Variants in ST3GAL1 observed in about 807,000 individuals in gnomAD.
ST3GAL1 encodes CMP-N-acetylneuraminate-beta-galactosamide-alpha-2,3-sialyltransferase 1.
ST3GAL1 carries 16 observed loss-of-function variants against 34.1 expected under a neutral mutation model. The observed-to-expected ratio is 0.47, with a 90% confidence interval of 0.32 to 0.71. The LOEUF is 0.71. Among genes scored for constraint, ST3GAL1 ranks in the 30% least tolerant of loss-of-function variants. The pLI is 0.04. For missense variants in ST3GAL1, 353 were observed against 447.4 expected, an observed-to-expected ratio of 0.79 and a Z score of 1.90; for synonymous variants, 191 against 184.7, an observed-to-expected ratio of 1.03 and a Z score of -0.28.
rs35418681 is a variant in ST3GAL1, at chr8:133,455,808, C to CT, written c.*3955dup. On this transcript the variant is annotated 3_prime_UTR_variant, in exon 10 of 10. Transcript: ENST00000522652. ...AGGGAGAGAGAGTTATCTTGGTTTC[C>CT]TTTCACTTGTTTTCGGGCTGCTTCA... 35,408 of 152,016 alleles carry CT rather than the reference C, an allele frequency of 0.23. 4,519 individuals are homozygous for CT. The highest frequency in any genetic ancestry group is 0.55 in the East Asian group (2,813 of 5,132). The allele number at this position is 152,016 out of a possible 1,614,324, so 9.4% of individuals were successfully genotyped here.
chr8:133,474,263 A>T (rs906896957), intron 5 of ST3GAL1, among the ~76,000 whole-genome samples: 4 of 152,012 alleles, frequency 2.6e-5, no homozygotes, highest in Non-Finnish European at 5.9e-5. Flanking sequence ...TCCTGTGCCC[A>T]CTTCCTGCAC....
At chr8:133,496,712 C>G (rs13261492) in intron 3 of ST3GAL1, among the ~76,000 whole-genome samples, 25 of 152,186 alleles carry the variant, frequency 1.6e-4, no homozygotes, top group Non-Finnish European at 3.5e-4. Context: ...CCTGGAGCCT[C>G]GGAGCAACTT....
At chr8:133,477,119 C>G (rs1265350487) in intron 3 of ST3GAL1, among the ~76,000 whole-genome samples, 1 of 152,168 alleles carries the variant, frequency 6.6e-6, no homozygotes, top group African/African-American at 2.4e-5. Flanking sequence ...TTCTGATTTC[C>G]CAGCTGTGGA....
chr8:133,533,261 T>C (rs542585186), intron 2 of ST3GAL1, among the ~76,000 whole-genome samples: 87 of 152,272 alleles, frequency 5.7e-4, no homozygotes, highest in Middle Eastern at 6.8e-3. Flanking sequence ...GAGAATGACG[T>C]GCAGGTGTTG....
At chr8:133,520,726 A>T (rs1817779513) in intron 2 of ST3GAL1, among the ~76,000 whole-genome samples, 1 of 151,210 alleles carries the variant, frequency 6.6e-6, no homozygotes, top group African/African-American at 2.4e-5. Flanking sequence ...AAATGGCTCA[A>T]TGTGCAGTTT....
intron 2 of ST3GAL1, among the ~76,000 whole-genome samples, chr8:133,530,164 G>A (rs971586107): frequency 1.3e-5 from 2 of 152,100 alleles, no homozygotes; most frequent in African/African-American, 4.8e-5. Context: ...TGACATGGTG[G>A]GTCTTGTCCT....
At chr8:133,552,002 T>C (rs1818878721) in intron 1 of ST3GAL1, among the ~76,000 whole-genome samples, 1 of 152,238 alleles carries the variant, frequency 6.6e-6, no homozygotes, top group Admixed American at 6.5e-5. Flanking sequence ...TTCCTAACTC[T>C]ACTCTATTGT....
At chr8:133,495,746 C>A (rs1417731856) in intron 3 of ST3GAL1, among the ~76,000 whole-genome samples, 1 of 152,244 alleles carries the variant, frequency 6.6e-6, no homozygotes, top group Admixed American at 6.5e-5. Flanking sequence ...TATATCGTAA[C>A]CCATAGCATG....
chr8:133,543,733 G>A (rs1017838707), intron 2 of ST3GAL1, among the ~76,000 whole-genome samples: 32 of 152,052 alleles, frequency 2.1e-4, no homozygotes, highest in African/African-American at 7.5e-4. Context: ...ATAATTATCA[G>A]TAGAACATGC....
chr8:133,511,264 T>C (rs895647977), intron 2 of ST3GAL1, among the ~76,000 whole-genome samples: 5 of 152,322 alleles, frequency 3.3e-5, no homozygotes, highest in Non-Finnish European at 4.4e-5. Context: ...ACAGTACTTA[T>C]GGGGAGGTAG....
intron 2 of ST3GAL1, among the ~76,000 whole-genome samples, chr8:133,523,136 T>C (rs1817859881): frequency 1.3e-5 from 2 of 152,106 alleles, no homozygotes; most frequent in Admixed American, 6.5e-5. Context: ...GCAAGGGGCC[T>C]CTCCCTTCTG....
At chr8:133,568,055 G>T (rs1378754118) in intron 1 of ST3GAL1, among the ~76,000 whole-genome samples, 3 of 151,766 alleles carry the variant, frequency 2.0e-5, no homozygotes, top group Admixed American at 1.3e-4. Flanking sequence ...TGAGTAGCTG[G>T]GTACTACAGG....
chr8:133,551,603 A>AAAGAAAGAAAGAAAGAAAGG (rs1818863283), intron 1 of ST3GAL1, among the ~76,000 whole-genome samples: 7 of 149,600 alleles, frequency 4.7e-5, no homozygotes, highest in African/African-American at 1.5e-4. Flanking sequence ...AGAAAGAAAG[A>AAAGAAAGAAAGAAAGAAAGG]AAGAAAGAAA....
intron 2 of ST3GAL1, among the ~76,000 whole-genome samples, chr8:133,506,544 G>T (rs1157569574): frequency 6.6e-6 from 1 of 152,196 alleles, no homozygotes; most frequent in African/African-American, 2.4e-5. Flanking sequence ...CAACACTTTG[G>T]GAGGCAGAGG....
In ST3GAL1 at chr8:133,476,071, C is replaced by T. The variant is rs764976065; in HGVS notation, c.-47G>A. On this transcript the variant is annotated 5_prime_UTR_variant, in exon 5 of 10. Transcript: ENST00000522652. ...CTCCCACGATGGGTAGCAGGAACTC[C>T]CTCCTAAGAGAGGAGAAAAATGGAA... The T allele has an allele frequency of 2.0e-6, 3 of 1,520,318 alleles. No homozygotes were observed. The highest frequency in any genetic ancestry group is 1.8e-4 in the Middle Eastern group (1 of 5,620). The allele number at this position is 1,520,318 out of a possible 1,614,324, so 94.2% of individuals were successfully genotyped here.
chr8:133,465,119 T>A (rs553878292), intron 6 of ST3GAL1, among the ~76,000 whole-genome samples, 162 bp from the exon 7 acceptor site: 1 of 152,250 alleles, frequency 6.6e-6, no homozygotes, highest in South Asian at 2.1e-4. Context: ...AATGAAGACA[T>A]AGCTGGAAGG....
intron 2 of ST3GAL1, among the ~76,000 whole-genome samples, chr8:133,523,260 G>T (rs1257353155): frequency 6.6e-6 from 1 of 151,992 alleles, no homozygotes; most frequent in Admixed American, 6.5e-5. Flanking sequence ...AGACTGGAGG[G>T]TCCAGGTCTC....
chr8:133,513,907 A>G (rs990978768), intron 2 of ST3GAL1, among the ~76,000 whole-genome samples: 9 of 152,024 alleles, frequency 5.9e-5, no homozygotes, highest in African/African-American at 2.2e-4. Context: ...TGGAAAAAAA[A>G]AAAAAGAAAA....
At chr8:133,513,894 G>C (rs1257095506) in intron 2 of ST3GAL1, among the ~76,000 whole-genome samples, 1 of 150,088 alleles carries the variant, frequency 6.7e-6, no homozygotes, top group East Asian at 2.0e-4. Context: ...GCAAGACTCT[G>C]TCTGGAAAAA....
Sources: gnomAD v4.1 joint callset for allele counts (sites outside exome capture counted in the v4.1 genomes callset) on GRCh38, gnomAD v4.1.1 for gene constraint, MANE v1.5 for transcripts, NCBI Gene and HGNC (gene_info 2026-07-23, HGNC 2026-07-21) for gene names.